The following THSD7A variants were observed in gnomAD, a reference collection of about 807,000 sequenced individuals.
THSD7A encodes thrombospondin type-1 domain-containing protein 7A.
In THSD7A, 96 loss-of-function variants were observed where a neutral mutation model predicts 231.3. The ratio of observed to expected loss-of-function variants is 0.41; its 90% CI spans 0.35 to 0.49. The LOEUF is 0.49. THSD7A is among the 20% of genes least tolerant of loss of function. The probability of loss-of-function intolerance (pLI) is 0.05; values close to 1 mark genes in which losing one functional copy is unlikely to be tolerated. For synonymous variants in THSD7A, 940 were observed against 743.3 expected (o/e 1.26, Z -4.30); for missense variants, 2,290 against 2,070.2 (o/e 1.11, Z -2.06).
intron 1 of THSD7A, among the ~76,000 whole-genome samples, chr7:11,719,341 C>T (rs2128152250): frequency 6.6e-6 from 1 of 151,768 alleles, no homozygotes; most frequent in South Asian, 2.1e-4. Flanking sequence ...CTGGAGACAT[C>T]AGCCTTCATT....
intron 6 of THSD7A, among the ~76,000 whole-genome samples, chr7:11,496,047 A>T (rs1347118954): frequency 1.3e-5 from 2 of 152,188 alleles, no homozygotes; most frequent in Non-Finnish European, 2.9e-5. Flanking sequence ...AGTATGCAGA[A>T]ATGCTATGCT....
chr7:11,600,484 G>C (rs891631895), intron 2 of THSD7A, among the ~76,000 whole-genome samples: 1 of 152,052 alleles, frequency 6.6e-6, no homozygotes, highest in Non-Finnish European at 1.5e-5. Context: ...AGGGATGGTG[G>C]ATTCTAAATT....
intron 23 of THSD7A, among the ~76,000 whole-genome samples, chr7:11,386,930 G>C (rs1475121206): frequency 6.6e-6 from 1 of 152,164 alleles, no homozygotes; most frequent in Non-Finnish European, 1.5e-5. Flanking sequence ...TCTGCATATG[G>C]CTAGCCAGTT....
At chr7:11,738,451 T>C (rs1418540620) in intron 1 of THSD7A, among the ~76,000 whole-genome samples, 1 of 152,014 alleles carries the variant, frequency 6.6e-6, no homozygotes, top group Non-Finnish European at 1.5e-5. Context: ...CAAAAGAATA[T>C]AGGTAAGATA....
At chr7:11,706,687 T>C (rs1780780536) in intron 1 of THSD7A, among the ~76,000 whole-genome samples, 1 of 144,928 alleles carries the variant, frequency 6.9e-6, no homozygotes, top group Non-Finnish European at 1.5e-5. Flanking sequence ...AAGAACACAT[T>C]TGCTTCTTAA....
In THSD7A at chr7:11,702,459, G is replaced by A. The variant is rs547199465; in HGVS notation, c.191-65498C>T. On this transcript the variant is annotated intron_variant, in intron 1 of 27. Transcript: ENST00000423059. ...CCATGTCAAGCCAGGAATAACACCT[G>A]AAATCCTTCTCATGGTTTAAATTTC... Among the ~76,000 whole-genome samples, 92 of 151,290 alleles carry A rather than the reference G, an allele frequency of 6.1e-4. 2 individuals carry two copies. The highest frequency in any genetic ancestry group is 2.0e-3 in the African/African-American group (84 of 41,408).
chr7:11,493,987 C>G (rs755845443), intron 6 of THSD7A, among the ~76,000 whole-genome samples: 6 of 151,878 alleles, frequency 4.0e-5, no homozygotes, highest in Non-Finnish European at 8.8e-5. Flanking sequence ...CAGATTTATA[C>G]CAATACACCT....
chr7:11,477,501 AACT>A (rs138523716), intron 7 of THSD7A, among the ~76,000 whole-genome samples: 19,617 of 152,148 alleles, frequency 0.13, 1,462 homozygotes, highest in Middle Eastern at 0.19. Flanking sequence ...GAGACTATAT[AACT>A]ACAATGCTTT....
chr7:11,561,128 G>T (rs1034739), intron 4 of THSD7A, among the ~76,000 whole-genome samples: 30,001 of 151,948 alleles, frequency 0.2, 3,069 homozygotes, highest in African/African-American at 0.26. Context: ...AGTCTTCAGT[G>T]TGTATGTACC....
intron 4 of THSD7A, among the ~76,000 whole-genome samples, chr7:11,562,036 A>G (rs1290568955): frequency 6.6e-6 from 1 of 152,176 alleles, no homozygotes; most frequent in Non-Finnish European, 1.5e-5. Flanking sequence ...TAGTACAGGG[A>G]ATAGTTTGAC....
chr7:11,535,054 A>G (rs867656262), intron 6 of THSD7A, among the ~76,000 whole-genome samples: 24 of 152,290 alleles, frequency 1.6e-4, no homozygotes, highest in Admixed American at 7.8e-4. Flanking sequence ...GTAAATGGCT[A>G]TTTTATATTT....
chr7:11,651,229 T>A (rs542189013), intron 1 of THSD7A, among the ~76,000 whole-genome samples: 1 of 152,110 alleles, frequency 6.6e-6, no homozygotes, highest in South Asian at 2.1e-4. Context: ...ATACCTAGAA[T>A]GGTCAAATTC....
chr7:11,476,710 G>A (rs1786199827), intron 7 of THSD7A, among the ~76,000 whole-genome samples: 1 of 151,730 alleles, frequency 6.6e-6, no homozygotes, highest in African/African-American at 2.4e-5. Flanking sequence ...AGCTATTCAG[G>A]AGGCTGAGGC....
At position 11,474,688 on chromosome 7, in the gene THSD7A, G is replaced by A; in HGVS notation, c.2018-120C>T. ...AAGTGACTTTTCTTCCCCACATCAA[G>A]TTCATAAATACACGCAATATTTATG... On this transcript the variant is annotated intron_variant, in intron 7 of 27. Transcript: ENST00000423059. This position sits in a 1 kb window ranked among gnomAD's most constrained non-coding sequence, Gnocchi z 4.1. 2.7e-6 allele frequency: 2 copies of A among 750,546 alleles called. No homozygotes were observed. Among genetic ancestry groups the A allele is most frequent in the Non-Finnish European group, 4.2e-6 (2 of 471,776 alleles). 46.5% of individuals were successfully genotyped at this position (750,546 alleles called of 1,614,324 possible).
chr7:11,435,352 T>A lies in THSD7A; in HGVS notation c.3065-6227A>T, dbSNP rs117645540. On this transcript the variant is annotated intron_variant, in intron 13 of 27. Transcript: ENST00000423059. ...GTTATTCATGGTGGGCTCCTCAGACTACTTATGATTTTATGCTGTAAGGAT... is the reference window on the plus strand; with the variant it reads ...GTTATTCATGGTGGGCTCCTCAGACAACTTATGATTTTATGCTGTAAGGAT... Among the ~76,000 whole-genome samples the A allele has an allele frequency of 1.7e-3, 255 of 152,246 alleles. 1 individual carries two copies. Among genetic ancestry groups the A allele is most frequent in the Middle Eastern group, 6.8e-3 (2 of 294 alleles).
chr7:11,660,490 T>G (rs1347446452), intron 1 of THSD7A, among the ~76,000 whole-genome samples: 2 of 151,264 alleles, frequency 1.3e-5, no homozygotes, highest in African/African-American at 4.8e-5. Context: ...GAAATAGAAG[T>G]GTAACACCCA....
intron 1 of THSD7A, among the ~76,000 whole-genome samples, chr7:11,750,200 G>A (rs553186949): frequency 2.6e-5 from 4 of 151,826 alleles, no homozygotes; most frequent in East Asian, 2.0e-4. Context: ...GCATACCAAC[G>A]ACTGGAAGAG....
chr7:11,453,086 C>T (rs1785195677), intron 11 of THSD7A, among the ~76,000 whole-genome samples: 1 of 151,444 alleles, frequency 6.6e-6, no homozygotes, highest in Non-Finnish European at 1.5e-5. Context: ...ATAAATTGGC[C>T]CAGATATTAT....
At chr7:11,424,637 T>A (rs780168633) in intron 16 of THSD7A, 59 bp downstream of exon 16, 136 of 1,601,818 alleles carry the variant, frequency 8.5e-5, no homozygotes, top group Non-Finnish European at 1.1e-4. Flanking sequence ...TGTTGGCACA[T>A]GTGCAATTGG....
Sources: allele counts gnomAD v4.1 joint callset (sites outside exome capture counted in the v4.1 genomes callset), GRCh38; gene constraint gnomAD v4.1.1; non-coding constraint Gnocchi (gnomAD v3.1); transcripts MANE v1.5; gene names NCBI Gene and HGNC (gene_info 2026-07-23, HGNC 2026-07-21).